Variants in ERCC2 observed in about 807,000 individuals in gnomAD.
ERCC2 encodes ERCC excision repair 2, TFIIH core complex helicase subunit, also known as general transcription and DNA repair factor IIH helicase subunit XPD.
A neutral mutation model predicts 99.4 loss-of-function variants in ERCC2; 90 were observed. The observed-to-expected ratio is 0.91, with a 90% confidence interval of 0.76 to 1.08. The LOEUF is 1.08. Ranked by LOEUF, ERCC2 falls within the 50% of genes least tolerant of loss-of-function variation. The pLI is 0.00. For synonymous variants in ERCC2, 497 were observed against 432.4 expected (o/e 1.15, Z -1.85); for missense variants, 993 against 1,038.1 (o/e 0.96, Z 0.60).
intron 19 of ERCC2, 99 bp from the exon 20 acceptor site, chr19:45,352,915 G>GAACACACCCTCTCCCCCC: frequency 7.8e-7 from 1 of 1,288,140 alleles, no homozygotes; most frequent in Non-Finnish European, 1.1e-6. Flanking sequence ...GAGTTGGGGG[G>GAACACACCCTCTCCCCCC]AGAGGGTGTG....
intron 12 of ERCC2, chr19:45,358,696 C>A: frequency 1.5e-6 from 1 of 665,818 alleles, no homozygotes. Context: ...CAAAAGTCAG[C>A]CCCTCCGAGA....
chr19:45,369,643 A>G (rs556900030), intron 2 of ERCC2, among the ~76,000 whole-genome samples: 2 of 152,336 alleles, frequency 1.3e-5, no homozygotes, highest in Non-Finnish European at 2.9e-5. Context: ...ATTGCAGGTT[A>G]AATATTTGGC....
At position 45,351,544 on chromosome 19, in the gene ERCC2, C is replaced by T. The variant is rs1971777488; in HGVS notation, c.*85G>A. On this transcript the variant is annotated 3_prime_UTR_variant, in exon 23 of 23. Coordinates refer to ENST00000391945, the MANE Select transcript of ERCC2 (RefSeq NM_000400.4). ...AGAAATGTCACCTGACTTCATAAGA[C>T]CTTCTAGCACCACCGCCGCTGGGAA... The T allele has an allele frequency of 6.9e-6, 11 of 1,605,808 alleles. No individual in the cohort carries two copies. Among genetic ancestry groups the T allele is most frequent in the South Asian group, 4.4e-5 (4 of 90,996 alleles).
intron 12 of ERCC2, chr19:45,358,283 G>A (rs892554953): frequency 5.4e-6 from 1 of 185,490 alleles, no homozygotes; most frequent in Non-Finnish European, 1.1e-5. Flanking sequence ...GGCTCCCAAA[G>A]TGCCAGGATT....
Position 45,351,611 on chromosome 19 carries a change from T to C in ERCC2, c.*18A>G, listed in dbSNP as rs375226936. 3.5e-5 allele frequency: 57 copies of C among 1,613,448 alleles called. No individual in the cohort carries two copies. Among genetic ancestry groups the C allele is most frequent in the Non-Finnish European group, 4.4e-5 (52 of 1,179,884 alleles). ...CTCAGGAGTCACCAGGAACCGTTTA[T>C]GGCCCCACCCGCCCCACTCAGAGCT... On this transcript the variant is annotated 3_prime_UTR_variant, in exon 23 of 23. Transcript: ENST00000391945.
chr19:45,353,348 C>T lies in ERCC2; in HGVS notation c.1666-14G>A, dbSNP rs1193729729. ...CTCAAGGATCCCCTGGGGAAGGACC[C>T]AGGGAGGTCAGGGTGGGTTCAGGGC... On this transcript the variant is annotated splice_polypyrimidine_tract_variant and intron_variant, in intron 17 of 22. Transcript: ENST00000391945. 2 of 1,603,230 alleles carry T rather than the reference C, an allele frequency of 1.2e-6. No individual in the cohort carries two copies. The highest frequency in any genetic ancestry group is 1.7e-6 in the Non-Finnish European group (2 of 1,172,052).
At chr19:45,364,402 T>C in intron 8 of ERCC2, 22 bp downstream of exon 8, 1 of 1,613,862 alleles carries the variant, frequency 6.2e-7, no homozygotes, top group East Asian at 2.2e-5. Flanking sequence ...GGCATCCCTT[T>C]GGCCCCTGGC....
chr19:45,363,625 C>G, intron 11 of ERCC2, 118 bp downstream of exon 11: 1 of 1,223,360 alleles, frequency 8.2e-7, no homozygotes, highest in Non-Finnish European at 1.1e-6. Flanking sequence ...ACGTGCCTCG[C>G]CCAGCTCACT....
At chr19:45,360,390 T>A (rs1466047488) in intron 12 of ERCC2, among the ~76,000 whole-genome samples, 1 of 149,798 alleles carries the variant, frequency 6.7e-6, no homozygotes, top group African/African-American at 2.5e-5. Context: ...CCTTTTTTTT[T>A]TTTTTGAGAC....
chr19:45,363,968 C>T lies in ERCC2; in HGVS notation c.949+18G>A, dbSNP rs954174766. ...AGGCGGGAAAGGGACTGGGGGGCAGCGGGGGGTCGGGGCTCACCCTGCAGC... is the reference window on the plus strand; with the variant it reads ...AGGCGGGAAAGGGACTGGGGGGCAGTGGGGGGTCGGGGCTCACCCTGCAGC... On this transcript the variant is annotated intron_variant, in intron 10 of 22. Coordinates refer to ENST00000391945, the MANE Select transcript of ERCC2 (RefSeq NM_000400.4). 14 of 1,513,950 alleles carry T rather than the reference C, an allele frequency of 9.2e-6. No homozygotes were observed. In the African/African-American group the frequency reaches 1.1e-4, roughly 12 times the overall value. 93.8% of individuals were successfully genotyped at this position (1,513,950 alleles called of 1,614,324 possible). A position where few individuals can be genotyped will look rare whatever the true frequency, so the allele number is the denominator to read the frequency against.
Position 45,353,068 on chromosome 19 carries a change from G to GC in ERCC2, c.1831+14dup, listed in dbSNP as rs780861615. 3.4e-5 allele frequency: 54 copies of GC among 1,610,030 alleles called. No homozygotes were observed. Among genetic ancestry groups the GC allele is most frequent in the Non-Finnish European group, 4.5e-5 (53 of 1,178,004 alleles). Reference sequence around the variant, plus strand: ...CTGGGAAGACACCTGGGGAGGAAGAGCCCAGTCCACTCACCAAAGTCGATT... The same window carrying GC: ...CTGGGAAGACACCTGGGGAGGAAGAGCCCCAGTCCACTCACCAAAGTCGATT... On this transcript the variant is annotated intron_variant, in intron 19 of 22. Transcript: ENST00000391945.
intron 5 of ERCC2, among the ~76,000 whole-genome samples, chr19:45,366,911 T>TA (rs1972441584): frequency 1.3e-5 from 2 of 152,100 alleles, no homozygotes; most frequent in Non-Finnish European, 2.9e-5. Context: ...GGTGGGTGCC[T>TA]GTAATCCCAG....
At chr19:45,358,508 C>T (rs945859795) in intron 12 of ERCC2, 9 of 350,900 alleles carry the variant, frequency 2.6e-5, no homozygotes, top group African/African-American at 1.7e-4. Context: ...TCCCTGAGTC[C>T]AGCCATGTCA....
intron 12 of ERCC2, chr19:45,358,526 G>GC (rs1599734550): frequency 3.0e-5 from 11 of 362,520 alleles, no homozygotes; most frequent in South Asian, 2.7e-4. Flanking sequence ...TCACCTCCCC[G>GC]CCCCAAGAAG....
chr19:45,355,503 G>A (rs550996299), intron 16 of ERCC2, among the ~76,000 whole-genome samples, 162 bp downstream of exon 16: 70 of 152,318 alleles, frequency 4.6e-4, no homozygotes, highest in Non-Finnish European at 9.1e-4. Flanking sequence ...CACAGGGCAG[G>A]CCCCTACCAG....
intron 5 of ERCC2, 47 bp downstream of exon 5, chr19:45,368,583 T>A (rs1277388665): frequency 7.6e-7 from 1 of 1,324,220 alleles, no homozygotes; most frequent in Admixed American, 1.7e-5. Context: ...ACGAAAGAGT[T>A]TTCTCTACCT....
chr19:45,366,267 C>A (rs1046283590), intron 5 of ERCC2, among the ~76,000 whole-genome samples: 1 of 152,106 alleles, frequency 6.6e-6, no homozygotes, highest in African/African-American at 2.4e-5. Flanking sequence ...CTCAGCCTCC[C>A]GAGTAGCTGG....
chr19:45,368,388 G>A (rs1314133172), intron 5 of ERCC2, among the ~76,000 whole-genome samples: 6 of 152,166 alleles, frequency 3.9e-5, no homozygotes, highest in Admixed American at 3.3e-4. Context: ...AGGCTTGCCA[G>A]AGACTCTAAG....
rs1971635135 is a variant in ERCC2 at position 45,349,911 on chromosome 19, T to C, written c.*1718A>G. On this transcript the variant is annotated 3_prime_UTR_variant, in exon 23 of 23. Coordinates refer to ENST00000391945, the MANE Select transcript of ERCC2 (RefSeq NM_000400.4). ...GCCCGGTCCCCACATCGCTAGTTCT[T>C]ATAGCGTCCCTATGAGGTGGGAGCT... The C allele has an allele frequency of 2.2e-6, 1 of 444,716 alleles. No homozygotes were observed. The highest frequency in any genetic ancestry group is 4.0e-6 in the Non-Finnish European group (1 of 248,600). The allele number at this position is 444,716 out of a possible 1,614,324, so 27.5% of individuals were successfully genotyped here. A position where few individuals can be genotyped will look rare whatever the true frequency, so the allele number is the denominator to read the frequency against.
Sources: gnomAD v4.1 joint callset for allele counts (sites outside exome capture counted in the v4.1 genomes callset) on GRCh38, gnomAD v4.1.1 for gene constraint, MANE v1.5 for transcripts, NCBI Gene and HGNC (gene_info 2026-07-23, HGNC 2026-07-21) for gene names.